RANBP2: variants seen among roughly 807,000 people sequenced by gnomAD.
RANBP2 encodes the protein RAN binding protein 2.
RANBP2 carries 57 observed loss-of-function variants against 303.6 expected under a neutral mutation model. The ratio of observed to expected loss-of-function variants is 0.19; its 90% CI spans 0.15 to 0.23. RANBP2 has a LOEUF of 0.23. Ranked by LOEUF, RANBP2 falls within the 10% of genes least tolerant of loss-of-function variation. The probability of loss-of-function intolerance (pLI) is 1.00; values close to 1 mark genes in which losing one functional copy is unlikely to be tolerated. For synonymous variants in RANBP2, 1,167 were observed against 1,301.5 expected (o/e 0.90, Z 2.23); for missense variants, 3,138 against 3,780.8 (o/e 0.83, Z 4.46).
chr2:108,722,621 A>C (rs747888897), intron 1 of RANBP2, among the ~76,000 whole-genome samples: 5 of 132,772 alleles, frequency 3.8e-5, no homozygotes, highest in African/African-American at 1.8e-4. Flanking sequence ...CCATTTTTCT[A>C]CTCCCTCACA....
At chr2:108,934,846 TA>T in the RANBP2 span, among the ~76,000 whole-genome samples, 13 of 152,174 alleles carry the variant, frequency 8.5e-5, no homozygotes, top group Non-Finnish European at 1.5e-4. Flanking sequence ...TTTTAACACA[TA>T]AACTGTGGGG....
At chr2:109,276,850 G>A in the RANBP2 span, among the ~76,000 whole-genome samples, 1 of 152,032 alleles carries the variant, frequency 6.6e-6, no homozygotes, top group Non-Finnish European at 1.5e-5. Context: ...ATATAGTTAA[G>A]CAAGATAAAA....
chr2:108,869,976 G>A, the RANBP2 span, among the ~76,000 whole-genome samples: 1 of 152,112 alleles, frequency 6.6e-6, no homozygotes, highest in African/African-American at 2.4e-5. Context: ...CAAATTAATT[G>A]GATTTGCTCA....
chr2:109,356,817 T>C, the RANBP2 span, among the ~76,000 whole-genome samples: 1 of 152,126 alleles, frequency 6.6e-6, no homozygotes, highest in Non-Finnish European at 1.5e-5. Flanking sequence ...AAAATAAGCC[T>C]GGTTCTTCAG....
the RANBP2 span, among the ~76,000 whole-genome samples, chr2:109,698,664 A>G: frequency 6.6e-6 from 1 of 150,378 alleles, no homozygotes; most frequent in Admixed American, 6.6e-5. Flanking sequence ...TGTGGGTCAC[A>G]ATTTTTACCT....
chr2:109,351,556 T>C, the RANBP2 span, among the ~76,000 whole-genome samples: 1 of 152,266 alleles, frequency 6.6e-6, no homozygotes, highest in East Asian at 1.9e-4. Context: ...AATGAAAACA[T>C]TGTGGTCGCC....
At chr2:109,574,593 G>GT in the RANBP2 span, 2 of 1,553,592 alleles carry the variant, frequency 1.3e-6, no homozygotes, top group Middle Eastern at 3.4e-4. Flanking sequence ...TGCTGTCAAG[G>GT]TTCTTCATGG....
the RANBP2 span, among the ~76,000 whole-genome samples, chr2:109,685,324 A>G: frequency 1.3e-5 from 2 of 152,362 alleles, no homozygotes; most frequent in Admixed American, 1.3e-4. Context: ...CAGTATATCT[A>G]GGATAATTAC....
the RANBP2 span, among the ~76,000 whole-genome samples, chr2:109,279,101 G>A: frequency 2.0e-5 from 3 of 152,184 alleles, no homozygotes; most frequent in African/African-American, 7.2e-5. Context: ...TTAATTTTAT[G>A]GCAAATCCAC....
At chr2:109,424,149 C>A in the RANBP2 span, among the ~76,000 whole-genome samples, 1 of 152,216 alleles carries the variant, frequency 6.6e-6, no homozygotes, top group Non-Finnish European at 1.5e-5. Flanking sequence ...TCTCAGGACA[C>A]ACCTGCGCTG....
the RANBP2 span, among the ~76,000 whole-genome samples, chr2:109,174,967 A>G: frequency 6.6e-6 from 1 of 152,216 alleles, no homozygotes; most frequent in African/African-American, 2.4e-5. Flanking sequence ...GGTATATTTA[A>G]AGAGTGATTT....
rs1005769858 is a variant in RANBP2, at chr2:108,752,983, A to C, written c.1756-15A>C. 35 of 1,607,504 alleles carry C rather than the reference A, an allele frequency of 2.2e-5. No homozygotes were observed. The highest frequency in any genetic ancestry group is 2.9e-5 in the Non-Finnish European group (34 of 1,178,084). On this transcript the variant is annotated splice_polypyrimidine_tract_variant and intron_variant, in intron 12 of 28. Coordinates refer to ENST00000283195, the MANE Select transcript of RANBP2 (RefSeq NM_006267.5). The stretch of plus-strand genomic sequence containing the variant: ...GTGTTCCTTAAAGTTGTGTGCTTTT[A>C]ACTTTCTTTTTTAGGGCAGCGGTCT...
the RANBP2 span, among the ~76,000 whole-genome samples, chr2:109,270,304 G>T: frequency 6.6e-6 from 1 of 152,184 alleles, no homozygotes; most frequent in Non-Finnish European, 1.5e-5. Flanking sequence ...GTGGCAAGCA[G>T]CCCTGTTGGA....
chr2:108,869,883 C>T, the RANBP2 span, among the ~76,000 whole-genome samples: 1 of 151,980 alleles, frequency 6.6e-6, no homozygotes, highest in Non-Finnish European at 1.5e-5. Context: ...CAAAAAAAAT[C>T]GTAGAACACG....
chr2:108,896,655 A>ATGAG, the RANBP2 span: 1 of 519,480 alleles, frequency 1.9e-6, no homozygotes, highest in East Asian at 3.1e-5. Flanking sequence ...GGCTGGCTGT[A>ATGAG]TGAGTGAGTA....
the RANBP2 span, among the ~76,000 whole-genome samples, chr2:109,006,748 A>G: frequency 6.6e-6 from 1 of 152,162 alleles, no homozygotes; most frequent in African/African-American, 2.4e-5. Flanking sequence ...CCTGGCTGGA[A>G]GGTATTTTCT....
chr2:108,845,524 T>G, the RANBP2 span, among the ~76,000 whole-genome samples: 1 of 152,146 alleles, frequency 6.6e-6, no homozygotes, highest in Non-Finnish European at 1.5e-5. Flanking sequence ...CAAATCTGGT[T>G]TAAGCATTCT....
the RANBP2 span, among the ~76,000 whole-genome samples, chr2:109,259,501 T>C: frequency 6.6e-6 from 1 of 152,240 alleles, no homozygotes; most frequent in African/African-American, 2.4e-5. Context: ...ATTTTCCTTC[T>C]GTGCAAAGTC....
At chr2:108,776,644 G>C (rs1182310575) in intron 24 of RANBP2, among the ~76,000 whole-genome samples, 2 of 152,164 alleles carry the variant, frequency 1.3e-5, no homozygotes, top group Non-Finnish European at 2.9e-5. Flanking sequence ...GGGGCTTTCA[G>C]AGATCATGCA....
Sources: gnomAD v4.1 joint callset for allele counts (sites outside exome capture counted in the v4.1 genomes callset) on GRCh38, gnomAD v4.1.1 for gene constraint, MANE v1.5 for transcripts, NCBI Gene and HGNC (gene_info 2026-07-23, HGNC 2026-07-21) for gene names.